The following UBE3A variants were observed in gnomAD, a reference collection of about 807,000 sequenced individuals.
UBE3A encodes the protein ubiquitin protein ligase E3A, also known as ubiquitin-protein ligase E3A.
A neutral mutation model predicts 83.4 loss-of-function variants in UBE3A; 6 were observed. That is an observed-to-expected ratio of 0.07 (90% CI 0.04 to 0.14). The LOEUF (loss-of-function observed/expected upper bound fraction) is 0.14. UBE3A is among the 10% of genes least tolerant of loss of function. The pLI is 1.00. For synonymous variants in UBE3A, 337 were observed against 355.4 expected, an observed-to-expected ratio of 0.95 and a Z score of 0.58; for missense variants, 456 against 1,036.1, an observed-to-expected ratio of 0.44 and a Z score of 7.69.
chr15:25,398,797 AT>A (rs1426852971), intron 4 of UBE3A, among the ~76,000 whole-genome samples: 7 of 83,210 alleles, frequency 8.4e-5, no homozygotes, highest in Admixed American at 1.6e-4. Context: ...ATATATATAT[AT>A]ATATATATAT....
chr15:25,361,027 G>C (rs1346305701), intron 6 of UBE3A, among the ~76,000 whole-genome samples: 1 of 151,780 alleles, frequency 6.6e-6, no homozygotes, highest in African/African-American at 2.4e-5. Context: ...CTCACAGTAA[G>C]ACTTAGTATA....
chr15:25,398,806 TATATATATAAAA>T lies in UBE3A; in HGVS notation c.62+6643_62+6654del, dbSNP rs1317964236. On this transcript the variant is annotated intron_variant, in intron 4 of 12. Transcript: ENST00000648336. ...ATATATATATATATATATATATATA[TATATATATAAAA>T]ATACATATATATCCAAGTGTGACTG... 4.5e-5 allele frequency among the ~76,000 whole-genome samples: 3 copies of T among 66,032 alleles called. No homozygotes were observed. In the Admixed American group the frequency reaches 6.2e-4, roughly 14 times the overall value. 43.3% of individuals were successfully genotyped at this position (66,032 alleles called of 152,430 possible).
intron 4 of UBE3A, among the ~76,000 whole-genome samples, chr15:25,390,050 C>G (rs2083985403): frequency 6.6e-6 from 1 of 152,132 alleles, no homozygotes; most frequent in East Asian, 1.9e-4. Context: ...AAAGATGTCC[C>G]ACACATCATA....
intron 11 of UBE3A, chr15:25,345,816 G>T (rs1399542260): frequency 6.6e-5 from 10 of 151,752 alleles, no homozygotes; most frequent in Non-Finnish European, 2.9e-5. Flanking sequence ...AAAAAAGGAA[G>T]ACATGACACA....
chr15:25,341,230 T>C (rs1312674907), intron 11 of UBE3A, among the ~76,000 whole-genome samples: 2 of 67,160 alleles, frequency 3.0e-5, no homozygotes, highest in Admixed American at 1.8e-4. Flanking sequence ...CCACCACGCC[T>C]GGCTAATTTT....
At chr15:25,383,991 T>A (rs1028153322) in intron 4 of UBE3A, among the ~76,000 whole-genome samples, 1 of 152,036 alleles carries the variant, frequency 6.6e-6, no homozygotes, top group Non-Finnish European at 1.5e-5. Flanking sequence ...AGGAATTCAG[T>A]AAAGTTACAG....
intron 1 of UBE3A, among the ~76,000 whole-genome samples, chr15:25,414,803 A>G (rs1433084961): frequency 6.6e-6 from 1 of 152,214 alleles, no homozygotes; most frequent in Non-Finnish European, 1.5e-5. Flanking sequence ...TGCTTCCAGA[A>G]TAAAGCCAAA....
intron 11 of UBE3A, among the ~76,000 whole-genome samples, chr15:25,341,720 A>G (rs905071346): frequency 6.8e-6 from 1 of 147,156 alleles, no homozygotes; most frequent in African/African-American, 2.5e-5. Flanking sequence ...CTGAGATCAC[A>G]CCATTGCACT....
chr15:25,426,492 T>C (rs1891358439), intron 1 of UBE3A, among the ~76,000 whole-genome samples: 1 of 152,228 alleles, frequency 6.6e-6, no homozygotes, highest in Non-Finnish European at 1.5e-5. Context: ...TGCAATATAC[T>C]AAAAGAACTA....
intron 4 of UBE3A, among the ~76,000 whole-genome samples, chr15:25,379,767 G>A (rs190183524): frequency 6.2e-4 from 94 of 151,990 alleles, no homozygotes; most frequent in Admixed American, 2.2e-3. Context: ...AAGTCAAATC[G>A]AGTCCACCAC....
intron 4 of UBE3A, among the ~76,000 whole-genome samples, chr15:25,396,361 T>G (rs1265508374): frequency 6.6e-6 from 1 of 151,950 alleles, no homozygotes; most frequent in Non-Finnish European, 1.5e-5. Context: ...TCCCAGCACT[T>G]TGTGAGGCCA....
At chr15:25,406,853 AAGG>A in intron 3 of UBE3A, among the ~76,000 whole-genome samples, 1 of 128,820 alleles carries the variant, frequency 7.8e-6, no homozygotes, top group Non-Finnish European at 1.8e-5. Flanking sequence ...AAGAATGGAA[AAGG>A]AAAAAAAAAA....
chr15:25,344,585 A>G (rs1297581723), intron 11 of UBE3A, among the ~76,000 whole-genome samples: 1 of 152,228 alleles, frequency 6.6e-6, no homozygotes, highest in Non-Finnish European at 1.5e-5. Context: ...TGTGAAACGT[A>G]TTAAATACAA....
At chr15:25,377,574 G>T (rs200765931) in intron 4 of UBE3A, among the ~76,000 whole-genome samples, 54 of 152,136 alleles carry the variant, frequency 3.5e-4, no homozygotes, top group Admixed American at 3.5e-3. Context: ...AGTAAAGAAA[G>T]GGAGATAATG....
At chr15:25,365,531 G>A (rs953270655) in intron 6 of UBE3A, among the ~76,000 whole-genome samples, 5 of 151,500 alleles carry the variant, frequency 3.3e-5, no homozygotes, top group African/African-American at 9.7e-5. Context: ...GGCGGATCAC[G>A]AGGTCAGGAG....
intron 4 of UBE3A, among the ~76,000 whole-genome samples, chr15:25,385,075 G>C (rs939183770): frequency 2.0e-5 from 3 of 152,108 alleles, no homozygotes; most frequent in African/African-American, 7.2e-5. Flanking sequence ...ATCACCAAAA[G>C]CACAAGCAAC....
At chr15:25,430,691 G>A (rs7495632) in intron 1 of UBE3A, among the ~76,000 whole-genome samples, 146,048 of 152,198 alleles carry the variant, frequency 0.96, 70,360 homozygotes, top group East Asian at 1. Context: ...GCAGTTACAA[G>A]TGCCTAAAAC....
At chr15:25,339,477 T>C in intron 12 of UBE3A, 1 of 463,542 alleles carries the variant, frequency 2.2e-6, no homozygotes, top group Non-Finnish European at 3.7e-6. Flanking sequence ...CTGTATCCAT[T>C]GAGTTTTTAC....
intron 1 of UBE3A, chr15:25,417,927 A>C (rs1887745132): frequency 6.6e-6 from 1 of 151,940 alleles, no homozygotes; most frequent in South Asian, 2.1e-4. Flanking sequence ...GAAAAAAAAA[A>C]CAAAACCCCA....
Sources: gnomAD v4.1 joint callset for allele counts (sites outside exome capture counted in the v4.1 genomes callset) on GRCh38, gnomAD v4.1.1 for gene constraint, MANE v1.5 for transcripts, NCBI Gene and HGNC (gene_info 2026-07-23, HGNC 2026-07-21) for gene names.